Variants in BCAR3 observed in about 807,000 individuals in gnomAD.
BCAR3 encodes the protein BCAR3 adaptor protein, NSP family member.
Under a neutral mutation model 80.1 loss-of-function variants are expected in BCAR3, and 37 were observed. The observed-to-expected ratio is 0.46, with a 90% CI of 0.36 to 0.61. The LOEUF is 0.61. Among genes scored for constraint, BCAR3 ranks in the 20% least tolerant of loss-of-function variants. The pLI is 0.00. For missense variants in BCAR3, 978 were observed against 1,068.2 expected, an observed-to-expected ratio of 0.92 and a Z score of 1.18; for synonymous variants, 389 against 418.9, an observed-to-expected ratio of 0.93 and a Z score of 0.87.
intron 3 of BCAR3, among the ~76,000 whole-genome samples, chr1:93,640,307 T>C (rs1280137272): frequency 1.3e-5 from 2 of 152,150 alleles, no homozygotes; most frequent in Non-Finnish European, 2.9e-5. Flanking sequence ...GAGACCTCTA[T>C]GAATGTGCTT....
chr1:93,844,754 G>T (rs542776966), intron 2 of BCAR3, among the ~76,000 whole-genome samples: 70 of 150,294 alleles, frequency 4.7e-4, no homozygotes, highest in African/African-American at 1.6e-3. Flanking sequence ...TGTCGCCCAG[G>T]CTGGAGTGCA....
At position 93,775,195 on chromosome 1, in the gene BCAR3, A is replaced by G. The variant is rs529437365; in HGVS notation, c.-62-69053T>C. Reference sequence around the variant, plus strand: ...TTTCAACGCTAGTGCCTGTGAACTTACCTAACGACCAGAGGCAGGTGAATC... The same window carrying G: ...TTTCAACGCTAGTGCCTGTGAACTTGCCTAACGACCAGAGGCAGGTGAATC... On this transcript the variant is annotated intron_variant, in intron 2 of 13. Coordinates refer to the BCAR3 transcript ENST00000370244. 3.3e-5 allele frequency: 5 copies of G among 152,326 alleles called. No homozygotes were observed. The East Asian group carries it at 9.6e-4, about 29-fold the overall frequency. 9.4% of individuals were successfully genotyped at this position (152,326 alleles called of 1,614,324 possible).
At chr1:93,632,031 A>G (rs989608143) in intron 3 of BCAR3, among the ~76,000 whole-genome samples, 1 of 152,200 alleles carries the variant, frequency 6.6e-6, no homozygotes, top group Non-Finnish European at 1.5e-5. Context: ...CTGTTCATCC[A>G]TCTGGGCTAA....
At chr1:93,760,449 G>A (rs1217146051) in intron 2 of BCAR3, among the ~76,000 whole-genome samples, 1 of 152,080 alleles carries the variant, frequency 6.6e-6, no homozygotes, top group African/African-American at 2.4e-5. Flanking sequence ...ATGGTAGCAG[G>A]TGCTTTACTC....
chr1:93,798,754 G>C (rs958584951), intron 2 of BCAR3, among the ~76,000 whole-genome samples: 5 of 152,120 alleles, frequency 3.3e-5, no homozygotes, highest in African/African-American at 1.2e-4. Flanking sequence ...TTATCCTTTA[G>C]ATATGATCCA....
intron 3 of BCAR3, among the ~76,000 whole-genome samples, chr1:93,609,025 C>A (rs1176006159): frequency 6.6e-6 from 1 of 152,134 alleles, no homozygotes; most frequent in Non-Finnish European, 1.5e-5. Context: ...AAATGACCAG[C>A]CACAGGGAAG....
chr1:93,656,992 T>C (rs932672880), intron 2 of BCAR3, among the ~76,000 whole-genome samples: 3 of 152,276 alleles, frequency 2.0e-5, no homozygotes, highest in African/African-American at 7.2e-5. Context: ...TCAGCCAAAT[T>C]TGTGGATAAC....
At chr1:93,671,548 C>T (rs1648202680) in intron 2 of BCAR3, among the ~76,000 whole-genome samples, 1 of 152,074 alleles carries the variant, frequency 6.6e-6, no homozygotes, top group Non-Finnish European at 1.5e-5. Context: ...TGAAATTAAC[C>T]CCTGAATTCA....
At chr1:93,840,938 A>T (rs1654936910) in intron 2 of BCAR3, among the ~76,000 whole-genome samples, 1 of 152,200 alleles carries the variant, frequency 6.6e-6, no homozygotes, top group Non-Finnish European at 1.5e-5. Flanking sequence ...TGAGGTTACA[A>T]AGATAAAGGA....
At chr1:93,727,463 C>T (rs948018780) in intron 2 of BCAR3, among the ~76,000 whole-genome samples, 1 of 152,176 alleles carries the variant, frequency 6.6e-6, no homozygotes, top group Non-Finnish European at 1.5e-5. Flanking sequence ...TTCTTGTAAG[C>T]TCGGCAATGT....
intron 2 of BCAR3, among the ~76,000 whole-genome samples, chr1:93,657,598 T>C (rs931531507): frequency 1.3e-5 from 2 of 152,182 alleles, no homozygotes; most frequent in African/African-American, 2.4e-5. Context: ...TCCAGGCATA[T>C]ACAGTTTAAC....
chr1:93,755,194 A>C (rs1327461845), intron 2 of BCAR3, among the ~76,000 whole-genome samples: 1 of 152,230 alleles, frequency 6.6e-6, no homozygotes, highest in East Asian at 1.9e-4. Context: ...GTTATGAAAG[A>C]ATCAAAAAAG....
At chr1:93,722,463 C>T (rs1650438695) in intron 2 of BCAR3, among the ~76,000 whole-genome samples, 1 of 152,194 alleles carries the variant, frequency 6.6e-6, no homozygotes, top group Non-Finnish European at 1.5e-5. Flanking sequence ...GATACTAAGG[C>T]CTCCATCCTG....
intron 2 of BCAR3, among the ~76,000 whole-genome samples, chr1:93,837,697 A>G (rs1362971574): frequency 6.6e-6 from 1 of 152,240 alleles, no homozygotes; most frequent in Non-Finnish European, 1.5e-5. Flanking sequence ...TAAGTAAGCC[A>G]TATCAGGTTG....
intron 2 of BCAR3, among the ~76,000 whole-genome samples, chr1:93,716,542 C>G (rs1650196668): frequency 6.6e-6 from 1 of 152,172 alleles, no homozygotes; most frequent in South Asian, 2.1e-4. Flanking sequence ...TCCCCAAAAC[C>G]AGGCCCTAAA....
At chr1:93,628,542 G>C (rs771757290) in intron 3 of BCAR3, among the ~76,000 whole-genome samples, 1 of 152,140 alleles carries the variant, frequency 6.6e-6, no homozygotes. Context: ...TGGAAGAGGC[G>C]GACCCTGGCT....
intron 2 of BCAR3, among the ~76,000 whole-genome samples, chr1:93,832,648 C>T (rs139792275): frequency 0.013 from 1,980 of 152,264 alleles, 43 homozygotes; most frequent in African/African-American, 0.046. Flanking sequence ...ACCTACTCCA[C>T]ATTACCTTCT....
intron 2 of BCAR3, among the ~76,000 whole-genome samples, chr1:93,760,812 G>A (rs1015038357): frequency 2.6e-5 from 4 of 152,108 alleles, no homozygotes; most frequent in African/African-American, 9.7e-5. Flanking sequence ...GACTCTGATT[G>A]GCCAGGCCTT....
chr1:93,630,859 C>G (rs1032588965), intron 3 of BCAR3, among the ~76,000 whole-genome samples: 2 of 152,106 alleles, frequency 1.3e-5, no homozygotes, highest in African/African-American at 4.8e-5. Flanking sequence ...TGTTTAATCC[C>G]CGATCTTCCC....
Sources: gnomAD v4.1 joint callset for allele counts (sites outside exome capture counted in the v4.1 genomes callset) on GRCh38, gnomAD v4.1.1 for gene constraint, MANE v1.5 for transcripts, NCBI Gene and HGNC (gene_info 2026-07-23, HGNC 2026-07-21) for gene names.